TTC3: variants seen among roughly 807,000 people sequenced by gnomAD.
TTC3 encodes the protein tetratricopeptide repeat domain 3.
In TTC3, 180 loss-of-function variants were observed where a neutral mutation model predicts 249.6. That is an observed-to-expected ratio of 0.72 (90% confidence interval 0.64 to 0.82). The LOEUF (loss-of-function observed/expected upper bound fraction) is 0.82. TTC3 is among the 40% of genes least tolerant of loss of function. The pLI, the probability that TTC3 is intolerant of heterozygous loss-of-function variation, is 0.00. For missense variants in TTC3, 2,061 were observed against 2,398.4 expected (o/e 0.86, Z 2.94); for synonymous variants, 717 against 805.0 (o/e 0.89, Z 1.85).
At chr21:37,201,073 A>AG (rs112497206) in intron 45 of TTC3, among the ~76,000 whole-genome samples, 1,563 of 152,352 alleles carry the variant, frequency 0.01, 16 homozygotes, top group East Asian at 0.03. Flanking sequence ...GGCCAAGGCC[A>AG]GGCCAAGGGA....
intron 34 of TTC3, among the ~76,000 whole-genome samples, chr21:37,172,066 G>T (rs1330983079): frequency 6.6e-5 from 10 of 152,138 alleles, no homozygotes; most frequent in Non-Finnish European, 1.2e-4. Context: ...AATGGTTTCT[G>T]GGTTTGGGGT....
In TTC3 at chr21:37,165,898, A is replaced by G. The variant is rs577781290; in HGVS notation, c.3684A>G (p.Ser1228=). The G allele has an allele frequency of 8.7e-6, 14 of 1,614,264 alleles. No homozygotes were observed. In the South Asian group the frequency reaches 8.8e-5, roughly 10 times the overall value. Residue 1228 remains serine (S), a synonymous_variant, in exon 33 of 46, where the codon TCA becomes TCG. Transcript: ENST00000355666. Reference sequence around the variant, plus strand: ...CTAAACCAGTGTCAGATTCATCTTCAGCACCAGCTTTTGAAAATGTGAAAC... The same window carrying G: ...CTAAACCAGTGTCAGATTCATCTTCGGCACCAGCTTTTGAAAATGTGAAAC...
intron 36 of TTC3, among the ~76,000 whole-genome samples, chr21:37,184,746 G>A (rs1488793770): frequency 6.6e-6 from 1 of 151,130 alleles, no homozygotes; most frequent in Non-Finnish European, 1.5e-5. Context: ...TGGGATTACA[G>A]GCATGAGCCA....
At chr21:37,144,932 A>G (rs1156411769) in intron 21 of TTC3, among the ~76,000 whole-genome samples, 2 of 152,182 alleles carry the variant, frequency 1.3e-5, no homozygotes, top group African/African-American at 4.8e-5. Context: ...GAGAGGTGAA[A>G]TGATGCACTC....
intron 22 of TTC3, 29 bp downstream of exon 22, chr21:37,147,632 A>C: frequency 6.4e-7 from 1 of 1,562,416 alleles, no homozygotes; most frequent in Non-Finnish European, 8.6e-7. Context: ...GTGGGACATT[A>C]ACTTGCAAAA....
At chr21:37,187,271 T>G in intron 38 of TTC3, 126 bp downstream of exon 38, 1 of 659,840 alleles carries the variant, frequency 1.5e-6, no homozygotes, top group African/African-American at 1.9e-5. Flanking sequence ...CTGTAACCCA[T>G]AATATATCCT....
At chr21:37,177,978 C>T (rs1348018158) in intron 35 of TTC3, among the ~76,000 whole-genome samples, 2 of 152,204 alleles carry the variant, frequency 1.3e-5, no homozygotes, top group South Asian at 2.1e-4. Flanking sequence ...ACTCCCCATT[C>T]TCTCCTGTAT....
intron 15 of TTC3, 80 bp downstream of exon 15, chr21:37,126,223 C>T: frequency 7.9e-7 from 1 of 1,270,128 alleles, no homozygotes; most frequent in Non-Finnish European, 1.1e-6. Flanking sequence ...TGTGCACAAG[C>T]CTTGCTTATA....
At chr21:37,156,046 T>C (rs952687122) in intron 27 of TTC3, among the ~76,000 whole-genome samples, 1 of 151,936 alleles carries the variant, frequency 6.6e-6, no homozygotes, top group African/African-American at 2.4e-5. Flanking sequence ...GGGTTTGTTT[T>C]TTTTTTTAGA....
chr21:37,084,432 A>G (rs900927313), intron 1 of TTC3: 2 of 152,256 alleles, frequency 1.3e-5, no homozygotes, highest in African/African-American at 4.8e-5. Context: ...CTCATCTAAC[A>G]TTAATGTTAA....
chr21:37,108,042 G>A (rs767585034), intron 10 of TTC3: 5 of 167,000 alleles, frequency 3.0e-5, no homozygotes, highest in African/African-American at 7.2e-5. Flanking sequence ...CCAAGATCAC[G>A]CCACTGCACT....
chr21:37,133,801 C>T (rs941691773), intron 17 of TTC3, among the ~76,000 whole-genome samples: 4 of 152,144 alleles, frequency 2.6e-5, no homozygotes, highest in African/African-American at 7.2e-5. Context: ...AGTCCCAGCT[C>T]CTCAGGAGGC....
chr21:37,159,201 A>C, intron 28 of TTC3, among the ~76,000 whole-genome samples: 1 of 151,518 alleles, frequency 6.6e-6, no homozygotes, highest in African/African-American at 2.4e-5. Flanking sequence ...GCCATGCCCC[A>C]CCCCTTTGCT....
At chr21:37,170,514 A>G (rs180720575) in intron 34 of TTC3, among the ~76,000 whole-genome samples, 8 of 152,312 alleles carry the variant, frequency 5.3e-5, no homozygotes, top group African/African-American at 1.7e-4. Flanking sequence ...GGGGATTTGT[A>G]TGTTTGTTTT....
intron 35 of TTC3, among the ~76,000 whole-genome samples, chr21:37,178,216 C>T (rs1208045348): frequency 1.3e-5 from 2 of 152,178 alleles, no homozygotes; most frequent in Non-Finnish European, 2.9e-5. Context: ...TATTCATTCA[C>T]TAGTTGATTG....
intron 18 of TTC3, among the ~76,000 whole-genome samples, chr21:37,136,538 CTCT>C (rs1221923606): frequency 6.6e-6 from 1 of 152,216 alleles, no homozygotes; most frequent in African/African-American, 2.4e-5. Flanking sequence ...AAGACTCTAA[CTCT>C]TCTATTCTGT....
At chr21:37,080,391 T>C (rs2071473683) in intron 1 of TTC3, among the ~76,000 whole-genome samples, 1 of 152,000 alleles carries the variant, frequency 6.6e-6, no homozygotes, top group Non-Finnish European at 1.5e-5. Flanking sequence ...TGCCCTTGCT[T>C]TATGGCCTTG....
intron 10 of TTC3, among the ~76,000 whole-genome samples, chr21:37,106,008 G>T (rs1191690943): frequency 1.3e-5 from 2 of 152,148 alleles, no homozygotes; most frequent in African/African-American, 4.8e-5. Context: ...TAGCTTTCCT[G>T]TGTGATTGTA....
chr21:37,193,227 AC>A (rs1423304891), intron 41 of TTC3, among the ~76,000 whole-genome samples: 1 of 6,724 alleles, frequency 1.5e-4, no homozygotes, highest in African/African-American at 6.9e-4. Context: ...TTCCCCTGAA[AC>A]CCCGTCAGGC....
Sources: allele counts gnomAD v4.1 joint callset (sites outside exome capture counted in the v4.1 genomes callset), GRCh38; gene constraint gnomAD v4.1.1; transcripts MANE v1.5; gene names NCBI Gene and HGNC (gene_info 2026-07-23, HGNC 2026-07-21).